PPP1R16A: variants seen among roughly 807,000 people sequenced by gnomAD.
PPP1R16A encodes the protein myosin phosphatase-targeting subunit 3.
A neutral mutation model predicts 46.6 loss-of-function variants in PPP1R16A; 39 were observed. The ratio of observed to expected loss-of-function variants is 0.84; its 90% confidence interval spans 0.65 to 1.09. The LOEUF is 1.09. Among genes scored for constraint, PPP1R16A ranks in the 50% least tolerant of loss-of-function variants. PPP1R16A has a pLI of 0.00. For missense variants in PPP1R16A, 798 were observed against 735.6 expected (o/e 1.08, Z -0.98); for synonymous variants, 413 against 321.5 (o/e 1.28, Z -3.04).
At chr8:144,483,031 C>T (rs551637664) in intron 1 of PPP1R16A, among the ~76,000 whole-genome samples, 1 of 152,278 alleles carries the variant, frequency 6.6e-6, no homozygotes, top group East Asian at 1.9e-4. Context: ...GATCCGCCCC[C>T]CTCAACTCCC....
intron 1 of PPP1R16A, among the ~76,000 whole-genome samples, chr8:144,488,234 A>G (rs1160742574): frequency 6.6e-6 from 1 of 150,812 alleles, no homozygotes; most frequent in Non-Finnish European, 1.5e-5. Flanking sequence ...TTTCCAGGGG[A>G]TATGCTTTGG....
chr8:144,500,681 C>T lies in PPP1R16A; in HGVS notation c.832-5C>T, dbSNP rs780355280. On this transcript the variant is annotated splice_region_variant and splice_polypyrimidine_tract_variant and intron_variant, in intron 8 of 11. Transcript: ENST00000435887. ...CAGTCTGCAGCTCCGGCCTGCCGTC[C>T]ACAGGTGCCCCTGGTGGAGCTGCTC... 2.5e-6 allele frequency: 4 copies of T among 1,610,090 alleles called. No individual in the cohort carries two copies. The South Asian group carries it at 3.3e-5, about 13-fold the overall frequency.
chr8:144,484,259 C>T (rs1218035994), intron 1 of PPP1R16A, among the ~76,000 whole-genome samples: 1 of 152,258 alleles, frequency 6.6e-6, no homozygotes, highest in Non-Finnish European at 1.5e-5. Flanking sequence ...TGGGTTACAG[C>T]GCCGACCCCT....
intron 1 of PPP1R16A, among the ~76,000 whole-genome samples, chr8:144,481,970 G>C (rs1374326218): frequency 1.3e-5 from 2 of 150,178 alleles, no homozygotes; most frequent in Non-Finnish European, 3.0e-5. Flanking sequence ...GTAGAGACAG[G>C]GTTTCACCAT....
chr8:144,483,564 C>G (rs556090879), intron 1 of PPP1R16A, among the ~76,000 whole-genome samples: 2 of 152,276 alleles, frequency 1.3e-5, no homozygotes, highest in South Asian at 4.1e-4. Context: ...TGCATGCCGC[C>G]ACGACCGGCT....
At chr8:144,484,718 T>C (rs1351644590) in intron 1 of PPP1R16A, among the ~76,000 whole-genome samples, 1 of 152,202 alleles carries the variant, frequency 6.6e-6, no homozygotes, top group East Asian at 1.9e-4. Context: ...CTGACAGACA[T>C]TGCGTGAGAG....
chr8:144,500,360 TCCATGCCCCCCTG>T lies in PPP1R16A; in HGVS notation c.675_687del (p.His226ThrfsTer29). ...AGCCGGCTGCAGGCCGGGGCAGACC[TCCATGCCCCCCTG>T]GACCACGGGGCCACGCTGGTGAGGG... On this transcript the variant is annotated frameshift_variant, in exon 7 of 12. Coordinates refer to ENST00000435887, the MANE Select transcript of PPP1R16A (RefSeq NM_001329443.2). LOFTEE classifies it high-confidence loss of function. 1 of 1,533,782 alleles carries T rather than the reference TCCATGCCCCCCTG, an allele frequency of 6.5e-7. No homozygotes were observed. Among genetic ancestry groups the T allele is most frequent in the Non-Finnish European group, 8.7e-7 (1 of 1,145,546 alleles).
At chr8:144,482,350 T>C (rs1825466481) in intron 1 of PPP1R16A, among the ~76,000 whole-genome samples, 1 of 151,888 alleles carries the variant, frequency 6.6e-6, no homozygotes, top group South Asian at 2.1e-4. Context: ...GAGCCACCGC[T>C]CCTGGCCAGT....
At position 144,501,785 on chromosome 8, in the gene PPP1R16A, C is replaced by T. The variant is rs760848217; in HGVS notation, c.1469C>T (p.Thr490Met). 30 of 1,560,468 alleles carry T rather than the reference C, an allele frequency of 1.9e-5. No individual in the cohort carries two copies. The highest frequency in any genetic ancestry group is 7.2e-5 in the East Asian group (3 of 41,424). The part of the protein sequence containing the change: ...ETAEPGLPGD[T>M]VTPQPDCGFR... ...GCTGAGCCTGGCCTGCCTGGTGACA[C>T]GGTGACCCCCCAGCCTGACTGTGGC... The change falls in exon 12 of 12, where the codon ACG (threonine) becomes ATG (methionine). Residue 490 changes from threonine to methionine, a missense_variant. By Grantham distance (81) the Thr-to-Met change is moderately conservative (BLOSUM62 -1). Transcript: ENST00000435887.
Position 144,497,069 on chromosome 8 carries a change from G to A in PPP1R16A, c.-126G>A. ...CTCCTGACCCAGCCAAGGGCACGAA[G>A]CTCTGGGAAGGGGATGCCCCCGAGG... is the stretch of plus-strand genomic sequence containing the variant. On this transcript the variant is annotated 5_prime_UTR_variant, in exon 3 of 12. Transcript: ENST00000435887. 1 of 1,308,858 alleles carries A rather than the reference G, an allele frequency of 7.6e-7. No homozygotes were observed. 81.1% of individuals were successfully genotyped at this position (1,308,858 alleles called of 1,614,324 possible).
Position 144,500,239 on chromosome 8 carries a change from C to T in PPP1R16A, c.581-28C>T, listed in dbSNP as rs549993849. The T allele has an allele frequency of 8.9e-6, 14 of 1,576,320 alleles. No individual in the cohort carries two copies. In the African/African-American group the frequency reaches 1.6e-4, roughly 18 times the overall value. ...GCGGCTGTGGGAGGGCTGCCGGTCGCGCTCCCTCTGAGCCTGCCGCCTCGC... is the reference window on the plus strand; with the variant it reads ...GCGGCTGTGGGAGGGCTGCCGGTCGTGCTCCCTCTGAGCCTGCCGCCTCGC... On this transcript the variant is annotated intron_variant, in intron 6 of 11. Coordinates refer to ENST00000435887, the MANE Select transcript of PPP1R16A (RefSeq NM_001329443.2).
chr8:144,498,082 C>T (rs1177225222), intron 3 of PPP1R16A: 16 of 456,124 alleles, frequency 3.5e-5, no homozygotes, highest in Non-Finnish European at 5.7e-5. Flanking sequence ...TTCCTGCCTC[C>T]CTCCGGAGCA....
chr8:144,501,263 C>T lies in PPP1R16A; in HGVS notation c.1172C>T (p.Thr391Ile), dbSNP rs773843554. ...CCCGAGGACAACGATGACCGCCAGA[C>T]AGGCGCAGAGCTCAGGCCGCCGCCC... ...EPPEDNDDRQ[T>I]GAELRPPPPE... The change falls in exon 11 of 12, where the codon ACA becomes ATA. Residue 391 changes from threonine to isoleucine, a missense_variant. Thr to Ile is a moderately conservative substitution (Grantham distance 89). Coordinates refer to ENST00000435887, the MANE Select transcript of PPP1R16A (RefSeq NM_001329443.2). 2.5e-6 allele frequency: 4 copies of T among 1,601,230 alleles called. No individual in the cohort carries two copies. The highest frequency in any genetic ancestry group is 3.4e-6 in the Non-Finnish European group (4 of 1,177,800).
At position 144,478,057 on chromosome 8, in the gene PPP1R16A, G is replaced by A. The variant is rs1825246962; in HGVS notation, c.-984G>A. 2.5e-6 allele frequency: 1 copy of A among 395,416 alleles called. No individual in the cohort carries two copies. Among genetic ancestry groups the A allele is most frequent in the African/African-American group, 2.1e-5 (1 of 48,576 alleles). The allele number at this position is 395,416 out of a possible 1,614,324, so 24.5% of individuals were successfully genotyped here. A position where few individuals can be genotyped will look rare whatever the true frequency, so the allele number is the denominator to read the frequency against. On this transcript the variant is annotated 5_prime_UTR_variant, in exon 1 of 12. Coordinates refer to ENST00000435887, the MANE Select transcript of PPP1R16A (RefSeq NM_001329443.2). Reference sequence around the variant, plus strand: ...CGGGGCCCGCCCCCGCAGCGCCTCAGGGAGCGCGGGGCCCACTGACCCGCG... The same window carrying A: ...CGGGGCCCGCCCCCGCAGCGCCTCAAGGAGCGCGGGGCCCACTGACCCGCG...
rs1342535509 is a variant in PPP1R16A at position 144,493,903 on chromosome 8, A to C, written c.-734-2558A>C. Among the ~76,000 whole-genome samples, 6 of 151,658 alleles carry C rather than the reference A, an allele frequency of 4.0e-5. No homozygotes were observed. The highest frequency in any genetic ancestry group is 8.8e-5 in the Non-Finnish European group (6 of 67,820). On this transcript the variant is annotated intron_variant, in intron 2 of 11. Transcript: ENST00000435887. This position sits in a 1 kb window ranked among gnomAD's most constrained non-coding sequence, Gnocchi z 4.3. ...GTGCTGGGTGGGGTGGGGGAGGTAG[A>C]GCCTCCCCGCCCGTGGGCCTCCCTC... is the stretch of plus-strand genomic sequence containing the variant.
intron 1 of PPP1R16A, among the ~76,000 whole-genome samples, chr8:144,481,137 G>A (rs1436010254): frequency 9.3e-5 from 14 of 151,224 alleles, no homozygotes; most frequent in African/African-American, 1.5e-4. Context: ...TGATCCGCCC[G>A]CCTCGGCCTC....
chr8:144,479,492 G>T (rs1825315191), intron 1 of PPP1R16A, among the ~76,000 whole-genome samples: 1 of 152,168 alleles, frequency 6.6e-6, no homozygotes, highest in African/African-American at 2.4e-5. Context: ...TGCTTGGGAT[G>T]CACTTGGACT....
rs1246015707 is a variant in PPP1R16A, at chr8:144,501,517, CAGG to C, written c.1206_1208del (p.Glu402del). On this transcript the variant is annotated splice_acceptor_variant and coding_sequence_variant, in exon 12 of 12. Transcript: ENST00000435887. LOFTEE classifies it high-confidence loss of function. ...ATGGCTCTGGGACCTTCACTGCCCG[CAGG>C]AGGACAACCCCGAAGTGGTCAGGCC... 4.5e-6 allele frequency: 7 copies of C among 1,542,960 alleles called. No homozygotes were observed. The highest frequency in any genetic ancestry group is 6.1e-6 in the Non-Finnish European group (7 of 1,143,472).
chr8:144,498,874 C>T (rs2130497850), intron 4 of PPP1R16A, 34 bp downstream of exon 4: 1 of 1,612,442 alleles, frequency 6.2e-7, no homozygotes, highest in Non-Finnish European at 8.5e-7. Flanking sequence ...AGGGTGGGGG[C>T]TGGCCCCCGT....
Sources: allele counts gnomAD v4.1 joint callset (sites outside exome capture counted in the v4.1 genomes callset), GRCh38; gene constraint gnomAD v4.1.1; non-coding constraint Gnocchi (gnomAD v3.1); transcripts MANE v1.5; gene names NCBI Gene and HGNC (gene_info 2026-07-23, HGNC 2026-07-21).